The following IGSF9B variants were observed in gnomAD, a reference collection of about 807,000 sequenced individuals.
IGSF9B encodes the protein protein turtle homolog B.
A neutral mutation model predicts 143.7 loss-of-function variants in IGSF9B; 48 were observed. That is an observed-to-expected ratio of 0.33 (90% CI 0.26 to 0.42). The LOEUF is 0.42. Among genes scored for constraint, IGSF9B ranks in the 20% least tolerant of loss-of-function variants. The pLI is 1.00. For synonymous variants in IGSF9B, 903 were observed against 833.1 expected (o/e 1.08, Z -1.44); for missense variants, 1,706 against 1,980.0 (o/e 0.86, Z 2.63).
Position 133,931,975 on chromosome 11 carries a change from G to T in IGSF9B, c.1110+96C>A. ...CTGTTTGCCCAGGGCTTTTGGAAGG[G>T]GCCAGGAGTCCTGGCAGAAATCCAG... On this transcript the variant is annotated intron_variant, in intron 8 of 19. Coordinates refer to ENST00000533871, the MANE Select transcript of IGSF9B (RefSeq NM_001277285.4). This position sits in a 1 kb window ranked among gnomAD's most constrained non-coding sequence, Gnocchi z 7.7. The T allele has an allele frequency of 6.6e-7, 1 of 1,512,486 alleles. No individual in the cohort carries two copies. Among genetic ancestry groups the T allele is most frequent in the Non-Finnish European group, 8.9e-7 (1 of 1,120,706 alleles). The allele number at this position is 1,512,486 out of a possible 1,614,324, so 93.7% of individuals were successfully genotyped here.
At chr11:133,912,300 C>G (rs1190445288) in intron 18 of IGSF9B, 1 of 558,300 alleles carries the variant, frequency 1.8e-6, no homozygotes, top group Admixed American at 2.2e-5. Context: ...AGCACCTTCC[C>G]ATGTAACGCA....
chr11:133,934,177 C>G (rs1197845013), intron 7 of IGSF9B, among the ~76,000 whole-genome samples: 1 of 152,116 alleles, frequency 6.6e-6, no homozygotes, highest in Non-Finnish European at 1.5e-5. Flanking sequence ...TGGGGAGAGA[C>G]AGGGAAAACC....
In IGSF9B at chr11:133,945,964, T is replaced by C; in HGVS notation, c.262+97A>G. 1 of 785,376 alleles carries C rather than the reference T, an allele frequency of 1.3e-6. No individual in the cohort carries two copies. The highest frequency in any genetic ancestry group is 2.0e-6 in the Non-Finnish European group (1 of 491,840). 48.7% of individuals were successfully genotyped at this position (785,376 alleles called of 1,614,324 possible). ...CCAGGCAGAGACTGGGAAACAGAGA[T>C]AAAGAGTGGTCAGGACAAGGCAGGG... On this transcript the variant is annotated intron_variant, in intron 2 of 19. Transcript: ENST00000533871. The surrounding 1 kb of genome is among the most constrained non-coding windows in gnomAD (Gnocchi z 4.6).
At chr11:133,919,123 G>GGGGGA in intron 18 of IGSF9B, 1 of 370,224 alleles carries the variant, frequency 2.7e-6, no homozygotes, top group Non-Finnish European at 5.5e-6. Flanking sequence ...GTATACGGGG[G>GGGGGA]GGGGGTGGGG....
Position 133,908,112 on chromosome 11 carries a change from G to A in IGSF9B, c.*957C>T, listed in dbSNP as rs1939239014. On this transcript the variant is annotated 3_prime_UTR_variant, in exon 20 of 20. Transcript: ENST00000533871. ...GCAGTGGGGAGACTTTGGCCACAGA[G>A]CTCACGGCCTGGCTGGGCGGAAGGG... Among the ~76,000 whole-genome samples the A allele has an allele frequency of 6.6e-6, 1 of 152,238 alleles. No homozygotes were observed. The highest frequency in any genetic ancestry group is 2.4e-5 in the African/African-American group (1 of 41,468).
chr11:133,927,109 A>T lies in IGSF9B; in HGVS notation c.1632-18T>A. On this transcript the variant is annotated intron_variant, in intron 12 of 19. Transcript: ENST00000533871. Reference sequence around the variant, plus strand: ...GCTTCATCCTGGCCAAAAGAGAGAGACAGGATAGGGGACGAGGGGCGGGGT... The same window carrying T: ...GCTTCATCCTGGCCAAAAGAGAGAGTCAGGATAGGGGACGAGGGGCGGGGT... 1 of 1,536,060 alleles carries T rather than the reference A, an allele frequency of 6.5e-7. No individual in the cohort carries two copies. The highest frequency in any genetic ancestry group is 1.4e-5 in the African/African-American group (1 of 72,964).
rs1266195455 is a variant in IGSF9B at position 133,953,129 on chromosome 11, G to A, written c.64+3562C>T. Among the ~76,000 whole-genome samples, 2 of 152,154 alleles carry A rather than the reference G, an allele frequency of 1.3e-5. No homozygotes were observed. Among genetic ancestry groups the A allele is most frequent in the Admixed American group, 1.3e-4 (2 of 15,282 alleles). ...GAGAAGGCAAAGGTACAGGAGGTTG[G>A]AGTGAGGGCCAGAGTGATGCTGGGG... On this transcript the variant is annotated intron_variant, in intron 1 of 19. Transcript: ENST00000533871. This position sits in a 1 kb window ranked among gnomAD's most constrained non-coding sequence, Gnocchi z 4.2.
rs1939168953 is a variant in IGSF9B at position 133,903,301 on chromosome 11, T to G, written c.*5768A>C. 6.6e-6 allele frequency among the ~76,000 whole-genome samples: 1 copy of G among 151,986 alleles called. No homozygotes were observed. Among genetic ancestry groups the G allele is most frequent in the African/African-American group, 2.4e-5 (1 of 41,356 alleles). Reference sequence around the variant, plus strand: ...TCCCCATCTAGTGTGATGGGAATGGTGACAACCAAGGACCAGTGACAGGAG... The same window carrying G: ...TCCCCATCTAGTGTGATGGGAATGGGGACAACCAAGGACCAGTGACAGGAG... On this transcript the variant is annotated 3_prime_UTR_variant, in exon 20 of 20. Coordinates refer to ENST00000533871, the MANE Select transcript of IGSF9B (RefSeq NM_001277285.4).
intron 17 of IGSF9B, among the ~76,000 whole-genome samples, chr11:133,921,694 C>T (rs550731858): frequency 5.3e-5 from 8 of 152,192 alleles, no homozygotes; most frequent in South Asian, 4.2e-4. Flanking sequence ...TGAGCCGCCG[C>T]GCCCGGCCCC....
Position 133,906,048 on chromosome 11 carries a change from C to T in IGSF9B, c.*3021G>A, listed in dbSNP as rs1939206551. Among the ~76,000 whole-genome samples the T allele has an allele frequency of 1.3e-5, 2 of 151,894 alleles. No individual in the cohort carries two copies. Among genetic ancestry groups the T allele is most frequent in the South Asian group, 2.1e-4 (1 of 4,834 alleles). On this transcript the variant is annotated 3_prime_UTR_variant, in exon 20 of 20. Transcript: ENST00000533871. ...CATCTGAGACACAGAAGCAGGTTTA[C>T]ATCTGAGTCGTGTCTACTGCAAGGC...
chr11:133,948,196 C>T lies in IGSF9B; in HGVS notation c.65-1938G>A, dbSNP rs1011220417. ...ATGTACTTCTGTGTCTGTGGCTCTCCGTGTCTGTCTGTATGTCATCTCTGT... is the reference window on the plus strand; with the variant it reads ...ATGTACTTCTGTGTCTGTGGCTCTCTGTGTCTGTCTGTATGTCATCTCTGT... On this transcript the variant is annotated intron_variant, in intron 1 of 19. Transcript: ENST00000533871. This position sits in a 1 kb window ranked among gnomAD's most constrained non-coding sequence, Gnocchi z 4.7. Among the ~76,000 whole-genome samples the T allele has an allele frequency of 1.3e-5, 2 of 151,790 alleles. No individual in the cohort carries two copies. The highest frequency in any genetic ancestry group is 4.2e-4 in the South Asian group (2 of 4,790).
intron 1 of IGSF9B, among the ~76,000 whole-genome samples, chr11:133,951,743 C>T (rs761211554): frequency 2.9e-4 from 44 of 152,148 alleles, no homozygotes; most frequent in Non-Finnish European, 4.6e-4. Context: ...CCCAGGTGCA[C>T]GCGCCCCTGC....
rs1044255069 is a variant in IGSF9B at position 133,913,606 on chromosome 11, A to G, written c.3984-1599T>C. On this transcript the variant is annotated intron_variant, in intron 18 of 19. Transcript: ENST00000533871. This position sits in a 1 kb window ranked among gnomAD's most constrained non-coding sequence, Gnocchi z 4.6. Reference sequence around the variant, plus strand: ...CCATAGCCCTGACAGCAGAGCTAAGAAGGCTACACAGGGTCCCTCAGGTGC... The same window carrying G: ...CCATAGCCCTGACAGCAGAGCTAAGGAGGCTACACAGGGTCCCTCAGGTGC... 6.6e-6 allele frequency among the ~76,000 whole-genome samples: 1 copy of G among 152,234 alleles called. No homozygotes were observed. The highest frequency in any genetic ancestry group is 2.4e-5 in the African/African-American group (1 of 41,464).
chr11:133,946,397 C>A (rs1940053267), intron 1 of IGSF9B, 139 bp from the exon 2 acceptor site: 4 of 676,988 alleles, frequency 5.9e-6, no homozygotes, highest in African/African-American at 3.6e-5. Flanking sequence ...CCAGGAGGGT[C>A]CCAGGCACAC....
chr11:133,949,908 C>T lies in IGSF9B; in HGVS notation c.65-3650G>A, dbSNP rs548921234. On this transcript the variant is annotated intron_variant, in intron 1 of 19. Coordinates refer to ENST00000533871, the MANE Select transcript of IGSF9B (RefSeq NM_001277285.4). ...TAGGTCTCACTCTCTTTAGAGAAGGCCAGAAATAGCGGTGCCCAGAACCTA... is the reference window on the plus strand; with the variant it reads ...TAGGTCTCACTCTCTTTAGAGAAGGTCAGAAATAGCGGTGCCCAGAACCTA... 5.8e-4 allele frequency among the ~76,000 whole-genome samples: 89 copies of T among 152,302 alleles called. 1 individual carries two copies. In the South Asian group the frequency reaches 0.018, roughly 31 times the overall value.
Position 133,937,336 on chromosome 11 carries a change from G to A in IGSF9B, c.679+40C>T, listed in dbSNP as rs529473578. 3.2e-4 allele frequency: 469 copies of A among 1,464,912 alleles called. 6 individuals carry two copies. The South Asian group carries it at 4.8e-3, about 15-fold the overall frequency. The allele number at this position is 1,464,912 out of a possible 1,614,324, so 90.7% of individuals were successfully genotyped here. ...GCTCAGCCGGGCTGGACATCCCCGCGGGAGCCCAGGGTTAAAGAGGCTGAG... is the reference window on the plus strand; with the variant it reads ...GCTCAGCCGGGCTGGACATCCCCGCAGGAGCCCAGGGTTAAAGAGGCTGAG... On this transcript the variant is annotated intron_variant, in intron 5 of 19. Transcript: ENST00000533871.
intron 1 of IGSF9B, among the ~76,000 whole-genome samples, chr11:133,951,655 G>A (rs1184432364): frequency 6.6e-6 from 1 of 152,156 alleles, no homozygotes; most frequent in East Asian, 1.9e-4. Context: ...TCCTTTAATG[G>A]CTCCTCAGCA....
At chr11:133,926,829 C>G in intron 13 of IGSF9B, 87 bp downstream of exon 13, 1 of 1,154,470 alleles carries the variant, frequency 8.7e-7, no homozygotes, top group Non-Finnish European at 1.2e-6. Context: ...TACCGGCACA[C>G]AGGAGGCCGA....
At chr11:133,940,870 T>C (rs1939941880) in intron 3 of IGSF9B, among the ~76,000 whole-genome samples, 1 of 152,218 alleles carries the variant, frequency 6.6e-6, no homozygotes, top group African/African-American at 2.4e-5. Context: ...TTATTCGAAG[T>C]CCTGTAAAGG....
Sources: gnomAD v4.1 joint callset for allele counts (sites outside exome capture counted in the v4.1 genomes callset) on GRCh38, gnomAD v4.1.1 for gene constraint, Gnocchi (gnomAD v3.1) non-coding constraint, MANE v1.5 for transcripts, NCBI Gene and HGNC (gene_info 2026-07-23, HGNC 2026-07-21) for gene names.